The following DOCK11 variants were observed in gnomAD, a reference collection of about 807,000 sequenced individuals.
DOCK11 encodes the protein dedicator of cytokinesis 11, also known as dedicator of cytokinesis protein 11.
A neutral mutation model predicts 169.1 loss-of-function variants in DOCK11; 70 were observed. That is an observed-to-expected ratio of 0.41 (90% CI 0.34 to 0.51). The LOEUF (loss-of-function observed/expected upper bound fraction) is 0.51. DOCK11 is among the 20% of genes least tolerant of loss of function. The probability of loss-of-function intolerance (pLI) is 0.10; values close to 1 mark genes in which losing one functional copy is unlikely to be tolerated. For missense variants in DOCK11, 1,166 were observed against 1,538.8 expected (o/e 0.76, Z 4.05); for synonymous variants, 529 against 541.3 (o/e 0.98, Z 0.32).
chrX:118,582,971 C>T (rs1478542756), intron 14 of DOCK11, among the ~76,000 whole-genome samples: 1 of 112,240 alleles, frequency 8.9e-6, no homozygotes, highest in East Asian at 2.8e-4. Context: ...TATAAAGACA[C>T]ATGCACATGT....
At chrX:118,665,402 C>T (rs1339103441) in intron 45 of DOCK11, among the ~76,000 whole-genome samples, 1 of 112,073 alleles carries the variant, frequency 8.9e-6, no homozygotes, top group Non-Finnish European at 1.9e-5. Flanking sequence ...TACAGGCTGA[C>T]AGCAGGAAGA....
chrX:118,614,693 G>A lies in DOCK11; in HGVS notation c.3098G>A (p.Arg1033His). 2 of 1,168,190 alleles carry A rather than the reference G, an allele frequency of 1.7e-6. No individual in the cohort carries two copies. The highest frequency in any genetic ancestry group is 1.2e-6 in the Non-Finnish European group (1 of 861,257). ...TTAGTTTTGTTTTGGTTTCTATAGC[G>A]CTGTTTGACACTAATGGATAGAGGA... is the stretch of plus-strand genomic sequence containing the variant. ...VNYSLASFLKRCLTLMDRGFI... is the reference protein window; with the variant it reads ...VNYSLASFLKHCLTLMDRGFI... The change falls in exon 29 of 53, where the codon CGC (arginine) becomes CAC (histidine). Residue 1033 changes from arginine to histidine, a missense_variant and splice_region_variant. By Grantham distance (29) the Arg-to-His change is conservative. Transcript: ENST00000276202.
At chrX:118,624,773 T>C in intron 32 of DOCK11, 118 bp downstream of exon 32, 1 of 481,313 alleles carries the variant, frequency 2.1e-6, no homozygotes, top group Non-Finnish European at 3.5e-6. Flanking sequence ...TTTTTTTTTT[T>C]TTTGAGCCAG....
chrX:118,672,520 C>T (rs1413999837), intron 46 of DOCK11, among the ~76,000 whole-genome samples: 2 of 112,981 alleles, frequency 1.8e-5, no homozygotes, highest in Non-Finnish European at 3.8e-5. Flanking sequence ...GCAAGCTCCA[C>T]CTCCCGGGTT....
At position 118,671,008 on chromosome X, in the gene DOCK11, T is replaced by C. The variant is rs767442013; in HGVS notation, c.5077-15T>C. The C allele has an allele frequency of 8.6e-7, 1 of 1,159,909 alleles. No homozygotes were observed. Among genetic ancestry groups the C allele is most frequent in the East Asian group, 3.0e-5 (1 of 33,133 alleles). On this transcript the variant is annotated splice_polypyrimidine_tract_variant and intron_variant, in intron 45 of 52. Coordinates refer to ENST00000276202, the MANE Select transcript of DOCK11 (RefSeq NM_144658.4). ...ACTATTTTTAATTCCTAATTGGATT[T>C]TTCTCTTAATGCAGGAGGTCTTGCT...
intron 1 of DOCK11, among the ~76,000 whole-genome samples, chrX:118,516,408 TC>T (rs1569404613): frequency 4.4e-5 from 4 of 90,368 alleles, no homozygotes; most frequent in Non-Finnish European, 8.5e-5. Flanking sequence ...TCCTCTCCTC[TC>T]CTCCCCTCCC....
chrX:118,616,465 A>G lies in DOCK11; in HGVS notation c.3292+754A>G, dbSNP rs761452864. On this transcript the variant is annotated intron_variant, in intron 30 of 52. Coordinates refer to ENST00000276202, the MANE Select transcript of DOCK11 (RefSeq NM_144658.4). ...AATCAACTTTAAAACATTTTCCCTC[A>G]AAACACAAGTTCCTGCTGCAAGCCA... 7.1e-5 allele frequency among the ~76,000 whole-genome samples: 8 copies of G among 111,928 alleles called. No homozygotes were observed. The East Asian group carries it at 2.2e-3, about 31-fold the overall frequency.
intron 13 of DOCK11, 81 bp from the exon 14 acceptor site, chrX:118,580,016 T>A: frequency 1.3e-6 from 1 of 789,028 alleles, no homozygotes; most frequent in Admixed American, 3.6e-5. Flanking sequence ...TTTGTAATGG[T>A]AGGTTGGGGA....
At chrX:118,680,776 A>G (rs1457036433) in intron 49 of DOCK11, 84 bp downstream of exon 49, 1 of 802,330 alleles carries the variant, frequency 1.2e-6, no homozygotes, top group Non-Finnish European at 1.8e-6. Context: ...GCTGGAACAT[A>G]CAACTGAAAT....
chrX:118,583,189 A>G (rs981482835), intron 14 of DOCK11, among the ~76,000 whole-genome samples: 7 of 111,104 alleles, frequency 6.3e-5, no homozygotes, highest in African/African-American at 2.0e-4. Context: ...CAGAAAACCA[A>G]ACACCGCATG....
Position 118,593,503 on chromosome X carries a change from A to G in DOCK11, c.2263+166A>G, listed in dbSNP as rs749010561. ...AAAGACGTACCAGAGACTGGGAAGA[A>G]AAAGAAGTTTAATTGAACCTTACAC... On this transcript the variant is annotated intron_variant, in intron 20 of 52. Transcript: ENST00000276202. Among the ~76,000 whole-genome samples, 4 of 112,227 alleles carry G rather than the reference A, an allele frequency of 3.6e-5. No individual in the cohort carries two copies. The Admixed American group carries it at 3.8e-4, about 11-fold the overall frequency.
chrX:118,613,769 C>T (rs777332233), intron 28 of DOCK11, among the ~76,000 whole-genome samples: 1 of 112,334 alleles, frequency 8.9e-6, no homozygotes, highest in African/African-American at 3.2e-5. Context: ...CTGTAGTGCG[C>T]TATGACTGTG....
intron 44 of DOCK11, among the ~76,000 whole-genome samples, chrX:118,660,585 C>T (rs191255391): frequency 1.1e-3 from 124 of 109,982 alleles, no homozygotes; most frequent in African/African-American, 3.8e-3. Context: ...CTGCCTCAGC[C>T]TCCCGAGTAG....
chrX:118,600,784 C>T (rs992676043), intron 23 of DOCK11, among the ~76,000 whole-genome samples: 3 of 110,059 alleles, frequency 2.7e-5, no homozygotes, highest in African/African-American at 9.9e-5. Context: ...GTGGATTTCT[C>T]GGGGAGAGCT....
rs35095116 is a variant in DOCK11 at position 118,581,805 on chromosome X, TAAAAAAAAAAAAAAAAA to T, written c.1595+1645_1595+1661del. ...GGCGACAGAGCGAGACTCCGTCTCC[TAAAAAAAAAAAAAAAAA>T]AAAAAAAAAAAAAAAAAATTGGTTA... On this transcript the variant is annotated intron_variant, in intron 14 of 52. Coordinates refer to ENST00000276202, the MANE Select transcript of DOCK11 (RefSeq NM_144658.4). Among the ~76,000 whole-genome samples the T allele has an allele frequency of 8.6e-4, 11 of 12,746 alleles. No individual in the cohort carries two copies. In the East Asian group the frequency reaches 0.012, roughly 14 times the overall value. 11.1% of individuals were successfully genotyped at this position (12,746 alleles called of 115,157 possible). A position where few individuals can be genotyped will look rare whatever the true frequency, so the allele number is the denominator to read the frequency against.
chrX:118,630,287 C>T, intron 34 of DOCK11, 92 bp from the exon 35 acceptor site: 2 of 506,242 alleles, frequency 4.0e-6, no homozygotes, highest in Admixed American at 6.3e-5. Flanking sequence ...TAGAATTTTC[C>T]CAAACAGATC....
At chrX:118,556,038 T>C (rs1603059541) in intron 6 of DOCK11, among the ~76,000 whole-genome samples, 1 of 97,655 alleles carries the variant, frequency 1.0e-5, no homozygotes, top group Non-Finnish European at 2.1e-5. Flanking sequence ...TTTCCTACTT[T>C]CTTTTCTTTC....
At position 118,643,491 on chromosome X, in the gene DOCK11, T is replaced by C; in HGVS notation, c.4295T>C (p.Leu1432Ser). 8.3e-7 allele frequency: 1 copy of C among 1,209,788 alleles called. No homozygotes were observed. Among genetic ancestry groups the C allele is most frequent in the Non-Finnish European group, 1.1e-6 (1 of 894,098 alleles). Residue 1432 changes from leucine to serine, a missense_variant, in exon 40 of 53, where the codon TTA becomes TCA. Transcript: ENST00000276202. ...QLLNNDGHNP[L>S]MKKVFDIHLA... ...TTAAATAATGATGGCCATAACCCAT[T>C]AATGAAAAAAGTGTTTGATATACAT...
At position 118,582,111 on chromosome X, in the gene DOCK11, C is replaced by T. The variant is rs773560673; in HGVS notation, c.1595+1932C>T. On this transcript the variant is annotated intron_variant, in intron 14 of 52. Transcript: ENST00000276202. Reference sequence around the variant, plus strand: ...CAGCACTGTACTTCAGCCTGGGCAACAGCAAGACTCTGTCTCGGGGAAAAA... The same window carrying T: ...CAGCACTGTACTTCAGCCTGGGCAATAGCAAGACTCTGTCTCGGGGAAAAA... 7.6e-4 allele frequency among the ~76,000 whole-genome samples: 84 copies of T among 110,642 alleles called. 1 individual carries two copies. Among genetic ancestry groups the T allele is most frequent in the African/African-American group, 2.7e-3 (82 of 30,446 alleles).
Sources: gnomAD v4.1 joint callset for allele counts (sites outside exome capture counted in the v4.1 genomes callset) on GRCh38, gnomAD v4.1.1 for gene constraint, MANE v1.5 for transcripts, NCBI Gene and HGNC (gene_info 2026-07-23, HGNC 2026-07-21) for gene names.